The following CCDC149 variants were observed in gnomAD, a reference collection of about 807,000 sequenced individuals.
The protein encoded by CCDC149 is coiled-coil domain-containing protein 149.
In CCDC149, 45 loss-of-function variants were observed where a neutral mutation model predicts 59.9. The ratio of observed to expected loss-of-function variants is 0.75; its 90% CI spans 0.59 to 0.96. The LOEUF (loss-of-function observed/expected upper bound fraction) is 0.96. CCDC149 is among the 40% of genes least tolerant of loss of function. The pLI is 0.00. For missense variants in CCDC149, 584 were observed against 664.7 expected, an observed-to-expected ratio of 0.88 and a Z score of 1.33; for synonymous variants, 245 against 260.6, an observed-to-expected ratio of 0.94 and a Z score of 0.58.
chr4:24,910,667 G>A (rs1375215758), intron 1 of CCDC149, among the ~76,000 whole-genome samples: 4 of 152,124 alleles, frequency 2.6e-5, no homozygotes, highest in Admixed American at 2.6e-4. Context: ...ACAGACAGAT[G>A]AGCAATGATT....
intron 1 of CCDC149, among the ~76,000 whole-genome samples, chr4:24,925,198 AG>A (rs1168047859): frequency 2.6e-5 from 4 of 152,242 alleles, no homozygotes; most frequent in African/African-American, 9.6e-5. Context: ...CCTGTTCAAA[AG>A]CAGGGAAAAT....
chr4:24,822,801 T>C, intron 9 of CCDC149: 1 of 356,188 alleles, frequency 2.8e-6, no homozygotes, highest in Non-Finnish European at 5.1e-6. Flanking sequence ...GCCATGAAAG[T>C]GAGTCCTCTC....
rs1382868848 is a variant in CCDC149 at position 24,872,356 on chromosome 4, C to T, written c.264+1325G>A. Among the ~76,000 whole-genome samples the T allele has an allele frequency of 2.6e-5, 4 of 152,202 alleles. No individual in the cohort carries two copies. The East Asian group carries it at 5.8e-4, about 22-fold the overall frequency. On this transcript the variant is annotated intron_variant, in intron 3 of 12. Coordinates refer to ENST00000635206, the MANE Select transcript of CCDC149 (RefSeq NM_001330643.2). ...GGCAGAACCTAAACAGAACAGTATG[C>T]ACCCACAGAATGGCATGCAGCCACC...
chr4:24,818,600 A>C (rs1715165710), intron 12 of CCDC149, among the ~76,000 whole-genome samples: 1 of 152,224 alleles, frequency 6.6e-6, no homozygotes, highest in Admixed American at 6.5e-5. Context: ...GGCTGTTGGC[A>C]TCTGAAGGCT....
rs1715260481 is a variant in CCDC149, at chr4:24,819,885, G to C, written c.1166C>G (p.Thr389Ser). Residue 389 changes from threonine (T) to serine (S), a missense_variant, in exon 12 of 13, where the codon ACT becomes AGT. Thr to Ser is a moderately conservative substitution (Grantham distance 58, BLOSUM62 1). Coordinates refer to ENST00000635206, the MANE Select transcript of CCDC149 (RefSeq NM_001330643.2). Reference sequence around the variant, plus strand: ...ATCCTTGGGATCTGCTTTGTTCTCAGTGGGCTGCTCGACAAACTTCAGCAG... The same window carrying C: ...ATCCTTGGGATCTGCTTTGTTCTCACTGGGCTGCTCGACAAACTTCAGCAG... 1 of 1,551,556 alleles carries C rather than the reference G, an allele frequency of 6.4e-7. No homozygotes were observed. Among genetic ancestry groups the C allele is most frequent in the South Asian group, 1.2e-5 (1 of 84,058 alleles).
intron 3 of CCDC149, among the ~76,000 whole-genome samples, chr4:24,857,024 C>T (rs993258): frequency 1.3e-5 from 2 of 152,132 alleles, no homozygotes; most frequent in African/African-American, 2.4e-5. Flanking sequence ...TCACCTAAAC[C>T]TTCATTTAGC....
chr4:24,825,451 C>A (rs551241465), intron 9 of CCDC149, among the ~76,000 whole-genome samples: 3 of 152,054 alleles, frequency 2.0e-5, no homozygotes, highest in Non-Finnish European at 4.4e-5. Flanking sequence ...ACACAGCTGG[C>A]GAGCAGAGGG....
chr4:24,842,296 T>C (rs997739387), intron 4 of CCDC149, among the ~76,000 whole-genome samples: 7 of 152,222 alleles, frequency 4.6e-5, no homozygotes, highest in East Asian at 1.9e-4. Context: ...TCCTCCTCCA[T>C]GTATGTTTCC....
intron 1 of CCDC149, among the ~76,000 whole-genome samples, chr4:24,948,083 G>A (rs184308980): frequency 3.0e-4 from 46 of 152,314 alleles, no homozygotes; most frequent in Non-Finnish European, 5.0e-4. Flanking sequence ...ATTCACAGGC[G>A]TAGGAGTGGC....
At chr4:24,938,780 C>T (rs981760171) in intron 1 of CCDC149, among the ~76,000 whole-genome samples, 8 of 152,366 alleles carry the variant, frequency 5.3e-5, no homozygotes, top group African/African-American at 1.4e-4. Flanking sequence ...CCTACGCCCA[C>T]GGAGCCTCAC....
At chr4:24,883,225 C>T (rs1346225855) in intron 1 of CCDC149, among the ~76,000 whole-genome samples, 1 of 149,204 alleles carries the variant, frequency 6.7e-6, no homozygotes, top group East Asian at 1.9e-4. Flanking sequence ...TTTAAAGGTA[C>T]AGAACAGAGC....
intron 2 of CCDC149, 90 bp from the exon 3 acceptor site, chr4:24,873,809 T>C: frequency 1.0e-6 from 1 of 986,058 alleles, no homozygotes; most frequent in Admixed American, 2.0e-5. Flanking sequence ...AACCTAAATG[T>C]AGACTCTCCC....
At chr4:24,812,767 A>C (rs1357908492) in intron 12 of CCDC149, among the ~76,000 whole-genome samples, 1 of 152,212 alleles carries the variant, frequency 6.6e-6, no homozygotes, top group Non-Finnish European at 1.5e-5. Flanking sequence ...AGAGCAAAGG[A>C]ACATCTTATA....
intron 1 of CCDC149, among the ~76,000 whole-genome samples, chr4:24,947,715 C>T (rs1336112229): frequency 6.6e-6 from 1 of 152,062 alleles, no homozygotes; most frequent in African/African-American, 2.4e-5. Flanking sequence ...TTGTGGGCTT[C>T]ATATAAAAAA....
intron 1 of CCDC149, among the ~76,000 whole-genome samples, chr4:24,943,206 A>T (rs534287352): frequency 2.5e-4 from 38 of 152,364 alleles, no homozygotes; most frequent in African/African-American, 8.4e-4. Flanking sequence ...ATAAAGACCG[A>T]TGGAACAGAA....
At chr4:24,871,470 G>T (rs1339901649) in intron 3 of CCDC149, among the ~76,000 whole-genome samples, 2 of 152,008 alleles carry the variant, frequency 1.3e-5, no homozygotes, top group Non-Finnish European at 2.9e-5. Context: ...CCTATAACGG[G>T]AAACACACAG....
At chr4:24,811,705 TCTA>T (rs1714615978) in intron 12 of CCDC149, among the ~76,000 whole-genome samples, 1 of 152,018 alleles carries the variant, frequency 6.6e-6, no homozygotes, top group Admixed American at 6.6e-5. Flanking sequence ...AAACCCTGTC[TCTA>T]CTAAAAATAC....
intron 1 of CCDC149, among the ~76,000 whole-genome samples, chr4:24,922,810 C>A (rs11721701): frequency 1.3e-5 from 2 of 151,994 alleles, no homozygotes; most frequent in African/African-American, 4.8e-5. Flanking sequence ...GGTTTTCTTG[C>A]GTACCCCTTT....
At chr4:24,827,291 C>T (rs1269450551) in intron 9 of CCDC149, 1 of 152,230 alleles carries the variant, frequency 6.6e-6, no homozygotes, top group Admixed American at 6.5e-5. Context: ...CTGAAGACGC[C>T]CCTGCTTGCT....
Sources: allele counts gnomAD v4.1 joint callset (sites outside exome capture counted in the v4.1 genomes callset), GRCh38; gene constraint gnomAD v4.1.1; transcripts MANE v1.5; gene names NCBI Gene and HGNC (gene_info 2026-07-23, HGNC 2026-07-21).